PKD1L1: variants seen among roughly 807,000 people sequenced by gnomAD.
PKD1L1 encodes the protein polycystin-1-like protein 1.
In PKD1L1, 236 loss-of-function variants were observed where a neutral mutation model predicts 323.4. The ratio of observed to expected loss-of-function variants is 0.73; its 90% CI spans 0.66 to 0.81. The LOEUF (loss-of-function observed/expected upper bound fraction) is 0.81, where lower values mean the gene tolerates loss of function less well. PKD1L1 is among the 40% of genes least tolerant of loss of function. The pLI, the probability that PKD1L1 is intolerant of heterozygous loss-of-function variation, is 0.00. For synonymous variants in PKD1L1, 1,344 were observed against 1,335.0 expected, an observed-to-expected ratio of 1.01 and a Z score of -0.15; for missense variants, 3,320 against 3,508.0, an observed-to-expected ratio of 0.95 and a Z score of 1.35.
intron 31 of PKD1L1, among the ~76,000 whole-genome samples, chr7:47,847,895 C>T (rs1465798462): frequency 2.0e-5 from 3 of 151,888 alleles, no homozygotes; most frequent in Admixed American, 1.3e-4. Context: ...TTAAAAATAG[C>T]CCTAACATAT....
rs1787143938 is a variant in PKD1L1, at chr7:47,903,891, A to G, written c.1931+487T>C. Reference sequence around the variant, plus strand: ...TGTCCCAGGTACACAGTGGACACTCAGTAAATGCAGAGTTAAAGGACAGAG... The same window carrying G: ...TGTCCCAGGTACACAGTGGACACTCGGTAAATGCAGAGTTAAAGGACAGAG... On this transcript the variant is annotated intron_variant, in intron 12 of 56. Transcript: ENST00000289672. Among the ~76,000 whole-genome samples, 2 of 152,190 alleles carry G rather than the reference A, an allele frequency of 1.3e-5. 1 individual carries two copies. Among genetic ancestry groups the G allele is most frequent in the South Asian group, 4.1e-4 (2 of 4,824 alleles).
At chr7:47,833,985 C>T (rs1388897528) in intron 40 of PKD1L1, among the ~76,000 whole-genome samples, 1 of 152,222 alleles carries the variant, frequency 6.6e-6, no homozygotes, top group African/African-American at 2.4e-5. Context: ...CTTGCTGCTC[C>T]ACAGTGTCTC....
intron 2 of PKD1L1, among the ~76,000 whole-genome samples, chr7:47,940,831 G>T (rs929856855): frequency 6.6e-6 from 1 of 152,220 alleles, no homozygotes; most frequent in African/African-American, 2.4e-5. Flanking sequence ...GAGGGCTGAA[G>T]GCCGGGCAGT....
At chr7:47,818,220 A>G (rs1484422146) in intron 46 of PKD1L1, 36 of 1,346,922 alleles carry the variant, frequency 2.7e-5, no homozygotes, top group Non-Finnish European at 3.6e-5. Context: ...CTCTGCAAAT[A>G]TTCACGCCAA....
chr7:47,848,556 T>C (rs540618126), intron 31 of PKD1L1, among the ~76,000 whole-genome samples: 1 of 152,330 alleles, frequency 6.6e-6, no homozygotes, highest in South Asian at 2.1e-4. Context: ...ACGCCTGTAA[T>C]CCCAGCACTT....
intron 36 of PKD1L1, 51 bp from the exon 37 acceptor site, chr7:47,837,145 G>A (rs1156724384): frequency 1.3e-6 from 2 of 1,586,010 alleles, no homozygotes; most frequent in Non-Finnish European, 1.7e-6. Context: ...ATTTCTGTCA[G>A]CAAAGCAAAG....
chr7:47,858,597 A>T, intron 27 of PKD1L1, 76 bp downstream of exon 27: 1 of 1,386,484 alleles, frequency 7.2e-7, no homozygotes, highest in Non-Finnish European at 1.0e-6. Flanking sequence ...GGTTTTGAGA[A>T]GCAATTACAA....
chr7:47,885,368 T>C (rs989440009), intron 18 of PKD1L1, among the ~76,000 whole-genome samples: 1 of 152,124 alleles, frequency 6.6e-6, no homozygotes, highest in African/African-American at 2.4e-5. Flanking sequence ...AGTGAAGCAA[T>C]TGATCCCAGG....
At chr7:47,952,751 G>A (rs1203385561), upstream of PKD1L1, among the ~76,000 whole-genome samples, 2 of 152,174 alleles carry the variant, frequency 1.3e-5, no homozygotes, top group Non-Finnish European at 2.9e-5. Flanking sequence ...CCTGTAATTT[G>A]CAGTGGAAGG....
chr7:47,958,827 C>T, the PKD1L1 span, among the ~76,000 whole-genome samples: 6 of 150,550 alleles, frequency 4.0e-5, no homozygotes, highest in Admixed American at 2.0e-4. Flanking sequence ...CCTCTCCCCA[C>T]GGTCTCCCTC....
At chr7:47,816,423 AG>A (rs946795427) in intron 46 of PKD1L1, among the ~76,000 whole-genome samples, 2 of 152,216 alleles carry the variant, frequency 1.3e-5, no homozygotes, top group African/African-American at 4.8e-5. Flanking sequence ...TGGCAGCAGC[AG>A]GGTGTCCATT....
the PKD1L1 span, among the ~76,000 whole-genome samples, chr7:47,958,141 A>C: frequency 6.6e-6 from 1 of 152,188 alleles, no homozygotes; most frequent in African/African-American, 2.4e-5. Context: ...AGCCAAAGCA[A>C]TCTTGAGCAA....
chr7:47,880,247 G>GATAGATATATAT (rs1453113715), intron 21 of PKD1L1, among the ~76,000 whole-genome samples: 1 of 98,322 alleles, frequency 1.0e-5, no homozygotes, highest in African/African-American at 4.8e-5. Flanking sequence ...GCATAAATAA[G>GATAGATATATAT]ATATATATAT....
chr7:47,846,314 C>A (rs773055354), intron 32 of PKD1L1, among the ~76,000 whole-genome samples: 31 of 152,270 alleles, frequency 2.0e-4, no homozygotes, highest in South Asian at 1.0e-3. Flanking sequence ...CAAACAATTT[C>A]TAATTTAGTG....
At chr7:47,888,283 AGCACATATGATG>A in intron 16 of PKD1L1, 133 bp from the exon 17 acceptor site, 1 of 875,464 alleles carries the variant, frequency 1.1e-6, no homozygotes, top group Non-Finnish European at 1.7e-6. Flanking sequence ...GCAATGTCAC[AGCACATATGATG>A]GCACATATGG....
At chr7:47,783,560 T>A (rs1156510122) in intron 56 of PKD1L1, among the ~76,000 whole-genome samples, 2 of 152,220 alleles carry the variant, frequency 1.3e-5, no homozygotes, top group East Asian at 3.8e-4. Flanking sequence ...ATGATCAAGC[T>A]AAGATAAGGT....
At position 47,865,263 on chromosome 7, in the gene PKD1L1, T is replaced by G. The variant is rs1174798340; in HGVS notation, c.4102A>C (p.Ile1368Leu). The G allele has an allele frequency of 3.1e-6, 5 of 1,613,040 alleles. No individual in the cohort carries two copies. In the East Asian group the frequency reaches 8.9e-5, roughly 29 times the overall value. Residue 1368 changes from isoleucine to leucine, a missense_variant, in exon 26 of 57, where the codon ATT (isoleucine) becomes CTT (leucine). Ile to Leu is a conservative substitution (Grantham distance 5). Coordinates refer to ENST00000289672, the MANE Select transcript of PKD1L1 (RefSeq NM_138295.5). ...RLAFVDQEEM[I>L]GSVLMLRDLV... ...TCCCTCAACATAAGAACAGAACCAA[T>G]CATTTCTTCCTGACCAGAAGAAACA... is the stretch of plus-strand genomic sequence containing the variant.
intron 44 of PKD1L1, 46 bp from the exon 45 acceptor site, chr7:47,827,514 G>A: frequency 2.0e-6 from 3 of 1,516,846 alleles, no homozygotes; most frequent in Non-Finnish European, 2.7e-6. Flanking sequence ...GTGGGTGGAA[G>A]GAGAGAGGCC....
At chr7:47,825,666 C>T (rs1387272577) in intron 45 of PKD1L1, among the ~76,000 whole-genome samples, 1 of 151,592 alleles carries the variant, frequency 6.6e-6, no homozygotes, top group Non-Finnish European at 1.5e-5. Flanking sequence ...TTATGTAATC[C>T]AATTTACTTT....
Sources: allele counts gnomAD v4.1 joint callset (sites outside exome capture counted in the v4.1 genomes callset), GRCh38; gene constraint gnomAD v4.1.1; transcripts MANE v1.5; gene names NCBI Gene and HGNC (gene_info 2026-07-23, HGNC 2026-07-21).